Variants in SLC8A1 observed in about 807,000 individuals in gnomAD.
SLC8A1 encodes the protein sodium/calcium exchanger 1.
In SLC8A1, 18 loss-of-function variants were observed where a neutral mutation model predicts 68.3. That is an observed-to-expected ratio of 0.26 (90% CI 0.18 to 0.39). The LOEUF is 0.39. Ranked by LOEUF, SLC8A1 falls within the 10% of genes least tolerant of loss-of-function variation. The probability of loss-of-function intolerance (pLI) is 1.00; values close to 1 mark genes in which losing one functional copy is unlikely to be tolerated. For synonymous variants in SLC8A1, 475 were observed against 415.5 expected, an observed-to-expected ratio of 1.14 and a Z score of -1.74; for missense variants, 985 against 1,156.7, an observed-to-expected ratio of 0.85 and a Z score of 2.15.
At chr2:40,291,783 T>A (rs1334285747) in intron 2 of SLC8A1, among the ~76,000 whole-genome samples, 1 of 152,118 alleles carries the variant, frequency 6.6e-6, no homozygotes, top group Non-Finnish European at 1.5e-5. Flanking sequence ...TTTCAGTTAA[T>A]ATAAACATTT....
chr2:40,319,435 A>G (rs895424188), intron 2 of SLC8A1, among the ~76,000 whole-genome samples: 1 of 152,094 alleles, frequency 6.6e-6, no homozygotes, highest in African/African-American at 2.4e-5. Flanking sequence ...TGCAGTTCCT[A>G]GTCAATTAAT....
intron 1 of SLC8A1, among the ~76,000 whole-genome samples, chr2:40,498,443 G>A (rs977548826): frequency 3.9e-5 from 6 of 152,050 alleles, no homozygotes; most frequent in African/African-American, 1.4e-4. Context: ...AAGATTGCAA[G>A]TATAATTTCA....
At chr2:40,324,706 CTCTT>C (rs144396967) in intron 2 of SLC8A1, among the ~76,000 whole-genome samples, 1 of 152,180 alleles carries the variant, frequency 6.6e-6, no homozygotes, top group Non-Finnish European at 1.5e-5. Flanking sequence ...CTTTCTCTCT[CTCTT>C]TTATTCAGAG....
chr2:40,160,512 T>G (rs1430778329), intron 6 of SLC8A1, among the ~76,000 whole-genome samples: 1 of 152,196 alleles, frequency 6.6e-6, no homozygotes, highest in African/African-American at 2.4e-5. Context: ...ACAAAACGCT[T>G]TAAATTTATC....
At chr2:40,325,503 AGGCT>A (rs906604016) in intron 2 of SLC8A1, among the ~76,000 whole-genome samples, 2 of 152,304 alleles carry the variant, frequency 1.3e-5, no homozygotes, top group Non-Finnish European at 2.9e-5. Context: ...GCATATAAGA[AGGCT>A]GCACCTTTTC....
chr2:40,406,352 T>C (rs1202607438), intron 2 of SLC8A1, among the ~76,000 whole-genome samples: 1 of 152,196 alleles, frequency 6.6e-6, no homozygotes, highest in African/African-American at 2.4e-5. Context: ...TTTTCCAAGA[T>C]GCTAGAAGAT....
At chr2:40,107,285 A>AAAAAAAAAAG in exon 8 of SLC8A1, 1 of 143,526 alleles carries the variant, frequency 7.0e-6, no homozygotes, top group East Asian at 2.0e-4. Context: ...GTCTCAAAAA[A>AAAAAAAAAAG]AAAAAAAAAA....
intron 3 of SLC8A1, chr2:40,177,626 C>G: frequency 1.7e-6 from 1 of 584,280 alleles, no homozygotes; most frequent in Admixed American, 2.9e-5. Flanking sequence ...ATTGCTAAAG[C>G]TTCAAAGGCA....
At chr2:40,222,815 G>T (rs1030432258) in intron 2 of SLC8A1, among the ~76,000 whole-genome samples, 11 of 152,198 alleles carry the variant, frequency 7.2e-5, no homozygotes, top group Non-Finnish European at 1.6e-4. Context: ...AAGCCACAAT[G>T]AGATACCATC....
At chr2:40,188,162 C>A (rs1573781824) in intron 2 of SLC8A1, among the ~76,000 whole-genome samples, 1 of 152,144 alleles carries the variant, frequency 6.6e-6, no homozygotes, top group Non-Finnish European at 1.5e-5. Context: ...TCACATTTAA[C>A]AAAACGATGG....
At chr2:40,411,321 T>C (rs968900957) in intron 2 of SLC8A1, among the ~76,000 whole-genome samples, 15 of 152,090 alleles carry the variant, frequency 9.9e-5, no homozygotes, top group African/African-American at 3.6e-4. Context: ...CTTAAAGTAC[T>C]TCCATATATA....
chr2:40,321,659 A>AAGC (rs1382839164), intron 2 of SLC8A1, among the ~76,000 whole-genome samples: 4 of 152,124 alleles, frequency 2.6e-5, no homozygotes, highest in African/African-American at 9.7e-5. Flanking sequence ...TGCCGAGTAA[A>AAGC]AGCGGGAAAA....
chr2:40,319,512 G>A (rs1156608162), intron 2 of SLC8A1, among the ~76,000 whole-genome samples: 1 of 152,072 alleles, frequency 6.6e-6, no homozygotes, highest in Non-Finnish European at 1.5e-5. Flanking sequence ...TCTAGACCAT[G>A]TGTTCTTTAT....
chr2:40,493,637 A>G (rs1057456574), intron 1 of SLC8A1, among the ~76,000 whole-genome samples: 1 of 146,032 alleles, frequency 6.8e-6, no homozygotes, highest in Non-Finnish European at 1.5e-5. Flanking sequence ...CAATCCGGAA[A>G]TCTTTCCTCA....
chr2:40,463,012 GA>G (rs11342732), intron 1 of SLC8A1, among the ~76,000 whole-genome samples: 39,978 of 148,938 alleles, frequency 0.27, 5,574 homozygotes, highest in East Asian at 0.39. Flanking sequence ...AATTATCAGT[GA>G]AAAAAAAAAT....
At chr2:40,198,908 T>A (rs2053600470) in intron 2 of SLC8A1, among the ~76,000 whole-genome samples, 1 of 150,340 alleles carries the variant, frequency 6.7e-6, no homozygotes, top group Non-Finnish European at 1.5e-5. Context: ...TCAGAGAGAT[T>A]TTGCAGCTTA....
chr2:40,295,536 T>A (rs904577486), intron 2 of SLC8A1, among the ~76,000 whole-genome samples: 6 of 152,152 alleles, frequency 3.9e-5, no homozygotes, highest in African/African-American at 1.2e-4. Flanking sequence ...AAGTGGGAAA[T>A]TTTTTTGTCC....
rs541143133 is a variant in SLC8A1, at chr2:40,244,797, G to C, written c.1809-66942C>G. On this transcript the variant is annotated intron_variant, in intron 2 of 7. Coordinates refer to ENST00000406785, the Ensembl canonical transcript of SLC8A1. ...ATTAGTTAGCAGAGCAGCCACTGGAGGGCACTCCTGAAATCTAGAGGCTTC... is the reference window on the plus strand; with the variant it reads ...ATTAGTTAGCAGAGCAGCCACTGGACGGCACTCCTGAAATCTAGAGGCTTC... Among the ~76,000 whole-genome samples, 199 of 152,224 alleles carry C rather than the reference G, an allele frequency of 1.3e-3. 1 individual carries two copies. The highest frequency in any genetic ancestry group is 4.7e-3 in the African/African-American group (197 of 41,546).
intron 2 of SLC8A1, among the ~76,000 whole-genome samples, chr2:40,381,151 T>G (rs1177675699): frequency 6.6e-6 from 1 of 152,008 alleles, no homozygotes; most frequent in Non-Finnish European, 1.5e-5. Flanking sequence ...AGCTGGTTGC[T>G]CCAAACATCA....
Sources: gnomAD v4.1 joint callset for allele counts (sites outside exome capture counted in the v4.1 genomes callset) on GRCh38, gnomAD v4.1.1 for gene constraint, MANE v1.5 for transcripts, NCBI Gene and HGNC (gene_info 2026-07-23, HGNC 2026-07-21) for gene names.